Variants in CHN2 observed in about 807,000 individuals in gnomAD.
The protein encoded by CHN2 is chimerin 2.
In CHN2, 35 loss-of-function variants were observed where a neutral mutation model predicts 56.3. The observed-to-expected ratio is 0.62, with a 90% CI of 0.47 to 0.82. The LOEUF is 0.82. CHN2 is among the 40% of genes least tolerant of loss of function. CHN2 has a pLI of 0.00. For missense variants in CHN2, 491 were observed against 580.5 expected (o/e 0.85, Z 1.58); for synonymous variants, 210 against 212.8 (o/e 0.99, Z 0.12).
chr7:29,274,150 T>C (rs1790985403), intron 1 of CHN2, among the ~76,000 whole-genome samples: 1 of 152,144 alleles, frequency 6.6e-6, no homozygotes, highest in East Asian at 1.9e-4. Flanking sequence ...CGGGAAAGCA[T>C]CCCCGAGACA....
chr7:29,512,181 G>GA (rs33957178), intron 12 of CHN2, among the ~76,000 whole-genome samples: 4,697 of 142,472 alleles, frequency 0.033, 218 homozygotes, highest in East Asian at 0.2. Flanking sequence ...CCACAAGAGG[G>GA]AAAAAAAAAA....
At chr7:29,483,917 G>A (rs1787650287) in intron 7 of CHN2, 2 of 1,289,606 alleles carry the variant, frequency 1.6e-6, no homozygotes, top group African/African-American at 3.1e-5. Flanking sequence ...CTATAAAATG[G>A]GAGTGTTGGG....
At chr7:29,149,115 C>G (rs1264182359) in intron 2 of CHN2, among the ~76,000 whole-genome samples, 1 of 149,970 alleles carries the variant, frequency 6.7e-6, no homozygotes, top group Non-Finnish European at 1.5e-5. Context: ...CTGGAGCCAG[C>G]TTGGAAAGGG....
intron 1 of CHN2, among the ~76,000 whole-genome samples, chr7:29,205,178 C>G (rs1187569509): frequency 6.6e-6 from 1 of 152,162 alleles, no homozygotes; most frequent in Non-Finnish European, 1.5e-5. Flanking sequence ...AGCTTGTGCT[C>G]CTTCTTACAG....
At chr7:29,327,602 A>T (rs558752914) in intron 1 of CHN2, among the ~76,000 whole-genome samples, 69 of 152,284 alleles carry the variant, frequency 4.5e-4, no homozygotes, top group Admixed American at 2.5e-3. Flanking sequence ...CTGTAACTTG[A>T]GGCCCATCAC....
intron 1 of CHN2, among the ~76,000 whole-genome samples, chr7:29,341,001 G>A (rs751844408): frequency 2.3e-4 from 35 of 152,118 alleles, no homozygotes; most frequent in African/African-American, 2.2e-4. Flanking sequence ...CCAGGAGAGC[G>A]CTTACTGAGT....
In CHN2 at chr7:29,264,872, C is replaced by CAAA. The variant is rs570169872; in HGVS notation, c.49+69893_49+69895dup. 1.3e-3 allele frequency among the ~76,000 whole-genome samples: 147 copies of CAAA among 114,240 alleles called. 1 individual carries two copies. Among genetic ancestry groups the CAAA allele is most frequent in the East Asian group, 4.5e-3 (19 of 4,200 alleles). 74.9% of individuals were successfully genotyped at this position (114,240 alleles called of 152,430 possible). Reference sequence around the variant, plus strand: ...AAAAAAGTCAATTGACTGTTAAAAGCAAAAAAAAAAAAACAAGTTAATTTA... The same window carrying CAAA: ...AAAAAAGTCAATTGACTGTTAAAAGCAAAAAAAAAAAAAAAACAAGTTAATTTA... On this transcript the variant is annotated intron_variant, in intron 1 of 12. Coordinates refer to ENST00000222792, the MANE Select transcript of CHN2 (RefSeq NM_004067.4).
intron 2 of CHN2, among the ~76,000 whole-genome samples, chr7:29,154,562 G>A (rs984110990): frequency 1.1e-4 from 17 of 152,176 alleles, no homozygotes; most frequent in Non-Finnish European, 1.3e-4. Flanking sequence ...GGCTGGGCAC[G>A]GTGACTCATG....
intron 2 of CHN2, chr7:29,181,161 T>TGGAATGAA (rs1205092107): frequency 6.6e-6 from 1 of 152,260 alleles, no homozygotes; most frequent in Non-Finnish European, 1.5e-5. Flanking sequence ...TGGTGAGTTC[T>TGGAATGAA]GGAATGAATA....
At chr7:29,225,499 C>T (rs887166986) in intron 1 of CHN2, among the ~76,000 whole-genome samples, 1 of 152,204 alleles carries the variant, frequency 6.6e-6, no homozygotes, top group Non-Finnish European at 1.5e-5. Context: ...TGCCTTCTGA[C>T]TATCCATTTC....
intron 1 of CHN2, among the ~76,000 whole-genome samples, chr7:29,235,750 G>A (rs1787143364): frequency 6.6e-6 from 1 of 152,188 alleles, no homozygotes; most frequent in African/African-American, 2.4e-5. Context: ...CATGGATGGA[G>A]CCGGAGGCCA....
intron 1 of CHN2, among the ~76,000 whole-genome samples, chr7:29,326,801 G>A (rs1457579289): frequency 6.6e-6 from 1 of 152,148 alleles, no homozygotes; most frequent in Non-Finnish European, 1.5e-5. Flanking sequence ...CCTTCATAGA[G>A]TATAGTAGGT....
chr7:29,250,125 C>T (rs893429457), intron 1 of CHN2, among the ~76,000 whole-genome samples: 1 of 152,160 alleles, frequency 6.6e-6, no homozygotes, highest in African/African-American at 2.4e-5. Flanking sequence ...TCAGTTAGCT[C>T]AGATTTCTAT....
intron 1 of CHN2, among the ~76,000 whole-genome samples, chr7:29,220,472 G>A (rs1785709827): frequency 6.6e-6 from 1 of 151,348 alleles, no homozygotes. Flanking sequence ...AAAAACAAGG[G>A]GATCACCACT....
In CHN2 at chr7:29,146,753, T is replaced by G. The variant is rs896353011; in HGVS notation, c.162+8T>G. The G allele has an allele frequency of 1.9e-6, 3 of 1,549,824 alleles. No homozygotes were observed. In the Admixed American group the frequency reaches 5.9e-5, roughly 30 times the overall value. On this transcript the variant is annotated splice_region_variant and intron_variant, in intron 1 of 6. Transcript: ENST00000439384. The stretch of plus-strand genomic sequence containing the variant: ...CGGCGGGGTGCCATTCAGGTTGGTT[T>G]GTCCCTTTGTTTTATTTTGATTTTG...
chr7:29,350,268 A>G (rs1797782113), intron 1 of CHN2, among the ~76,000 whole-genome samples: 1 of 151,688 alleles, frequency 6.6e-6, no homozygotes, highest in Admixed American at 6.5e-5. Flanking sequence ...GACAAAGTGA[A>G]CTAAATGACC....
chr7:29,395,892 A>C (rs912805143), intron 4 of CHN2, among the ~76,000 whole-genome samples: 3 of 152,202 alleles, frequency 2.0e-5, no homozygotes, highest in Non-Finnish European at 4.4e-5. Flanking sequence ...CTTAAGTTCT[A>C]GGTGACTATA....
chr7:29,479,636 G>GTGTAGATCTCGGT, intron 6 of CHN2: 2 of 1,014,110 alleles, frequency 2.0e-6, no homozygotes, highest in South Asian at 4.0e-5. Context: ...GCCCAGGATG[G>GTGTAGATCTCGGT]GGTTCAGAGC....
At chr7:29,387,303 A>C (rs1800991557) in intron 3 of CHN2, among the ~76,000 whole-genome samples, 1 of 152,342 alleles carries the variant, frequency 6.6e-6, no homozygotes, top group Admixed American at 6.5e-5. Context: ...CTGAAAATTG[A>C]GAAAAATGAG....
Sources: allele counts gnomAD v4.1 joint callset (sites outside exome capture counted in the v4.1 genomes callset), GRCh38; gene constraint gnomAD v4.1.1; transcripts MANE v1.5; gene names NCBI Gene and HGNC (gene_info 2026-07-23, HGNC 2026-07-21).